HTR2C: variants seen among roughly 807,000 people sequenced by gnomAD.
HTR2C encodes 5-hydroxytryptamine receptor 2C.
In HTR2C, 5 loss-of-function variants were observed where a neutral mutation model predicts 21.0. That is an observed-to-expected ratio of 0.24 (90% CI 0.12 to 0.50). The LOEUF is 0.50. Among genes scored for constraint, HTR2C ranks in the 20% least tolerant of loss-of-function variants. The pLI is 0.98. For missense variants in HTR2C, 271 were observed against 371.2 expected (o/e 0.73, Z 2.22); for synonymous variants, 150 against 145.3 (o/e 1.03, Z -0.23).
intron 2 of HTR2C, among the ~76,000 whole-genome samples, chrX:114,628,222 A>T (rs1023105442): frequency 1.5e-4 from 17 of 109,940 alleles, no homozygotes; most frequent in Non-Finnish European, 2.3e-4. Flanking sequence ...TTTTATCTTG[A>T]TATCTGTATC....
intron 4 of HTR2C, among the ~76,000 whole-genome samples, chrX:114,786,762 A>G (rs185630460): frequency 2.7e-3 from 297 of 111,584 alleles, no homozygotes; most frequent in Middle Eastern, 9.2e-3. Context: ...TCTGAGCCCA[A>G]TTGGCCTGAA....
intron 2 of HTR2C, among the ~76,000 whole-genome samples, chrX:114,631,568 CAG>C (rs782303544): frequency 1.7e-4 from 19 of 111,476 alleles, no homozygotes; most frequent in African/African-American, 5.5e-4. Context: ...GTTAGTAAGA[CAG>C]AGAGATAAGT....
chrX:114,614,540 G>A (rs192999034), intron 2 of HTR2C, among the ~76,000 whole-genome samples: 77 of 110,892 alleles, frequency 6.9e-4, no homozygotes, highest in South Asian at 2.0e-3. Flanking sequence ...GATTACAGGC[G>A]TGAACCACCT....
intron 2 of HTR2C, among the ~76,000 whole-genome samples, chrX:114,717,940 A>T (rs887937687): frequency 9.7e-6 from 1 of 102,975 alleles, no homozygotes; most frequent in Non-Finnish European, 2.0e-5. Context: ...CTGCTCAAAA[A>T]TTTGCCTTTA....
At chrX:114,664,761 G>T (rs1556410675) in intron 2 of HTR2C, among the ~76,000 whole-genome samples, 3 of 111,473 alleles carry the variant, frequency 2.7e-5, no homozygotes, top group African/African-American at 9.8e-5. Context: ...GGGCCAAAGG[G>T]GATTTCTGTC....
chrX:114,815,789 A>G (rs1419697523), intron 4 of HTR2C, among the ~76,000 whole-genome samples: 2 of 34,319 alleles, frequency 5.8e-5, no homozygotes, highest in Non-Finnish European at 1.5e-4. Context: ...TAGAAACTAT[A>G]TGACTTTTAT....
Position 114,906,731 on chromosome X carries a change from G to T in HTR2C, c.693G>T (p.Val231=), listed in dbSNP as rs1556486908. The T allele has an allele frequency of 8.3e-7, 1 of 1,211,181 alleles. No homozygotes were observed. The highest frequency in any genetic ancestry group is 2.2e-5 in the Admixed American group (1 of 45,957). ...TCTTCATACCGCTGACGATTATGGT[G>T]ATTACGTATTGCCTGACCATCTACG... ...VAFFIPLTIM[V]ITYCLTIYVL... is the part of the protein sequence containing the mutation. Residue 231 remains valine, a synonymous_variant, in exon 6 of 6, where the codon GTG becomes GTT. Coordinates refer to ENST00000276198, the MANE Select transcript of HTR2C (RefSeq NM_000868.4).
chrX:114,905,738 T>C (rs1334332026), intron 5 of HTR2C, among the ~76,000 whole-genome samples: 1 of 111,958 alleles, frequency 8.9e-6, no homozygotes, highest in Non-Finnish European at 1.9e-5. Context: ...AGACCTACTG[T>C]GGTTATTTCT....
chrX:114,867,052 A>C (rs2071051353), intron 5 of HTR2C, among the ~76,000 whole-genome samples: 1 of 111,289 alleles, frequency 9.0e-6, no homozygotes, highest in Non-Finnish European at 1.9e-5. Context: ...TGGTAACTCA[A>C]TTTTTAGTTT....
At chrX:114,594,243 A>G (rs911990156) in intron 1 of HTR2C, among the ~76,000 whole-genome samples, 3 of 111,622 alleles carry the variant, frequency 2.7e-5, no homozygotes, top group Non-Finnish European at 5.6e-5. Context: ...AATCTAATAT[A>G]TAAAAAAATG....
chrX:114,744,885 C>T (rs1468244591), intron 4 of HTR2C, among the ~76,000 whole-genome samples: 1 of 112,126 alleles, frequency 8.9e-6, no homozygotes, highest in Non-Finnish European at 1.9e-5. Context: ...AACCTGTAGA[C>T]ATTAAAAAAT....
At chrX:114,739,211 G>A (rs1459042058) in intron 4 of HTR2C, among the ~76,000 whole-genome samples, 1 of 110,793 alleles carries the variant, frequency 9.0e-6, no homozygotes, top group Non-Finnish European at 1.9e-5. Context: ...AACAATAAAA[G>A]CACTTGTCCT....
At chrX:114,707,279 G>A (rs186663610) in intron 2 of HTR2C, among the ~76,000 whole-genome samples, 89 of 110,995 alleles carry the variant, frequency 8.0e-4, no homozygotes, top group African/African-American at 2.9e-3. Flanking sequence ...AATCAGGCTG[G>A]GCATGGTGAC....
At chrX:114,654,545 C>CTT (rs1268386967) in intron 2 of HTR2C, among the ~76,000 whole-genome samples, 1 of 104,367 alleles carries the variant, frequency 9.6e-6, no homozygotes, top group Non-Finnish European at 2.0e-5. Context: ...GGCTGTTTTT[C>CTT]TTTTTTTTTT....
intron 2 of HTR2C, among the ~76,000 whole-genome samples, chrX:114,649,297 A>G (rs782367115): frequency 8.9e-6 from 1 of 112,517 alleles, no homozygotes; most frequent in South Asian, 3.7e-4. Context: ...AGATTTTGTT[A>G]CATTTGCCTC....
intron 1 of HTR2C, among the ~76,000 whole-genome samples, chrX:114,601,028 C>T (rs1928063778): frequency 8.9e-6 from 1 of 112,078 alleles, no homozygotes; most frequent in African/African-American, 3.2e-5. Context: ...AACACATCTA[C>T]CTGCTATCTA....
chrX:114,827,718 C>A (rs1337081386), intron 4 of HTR2C, among the ~76,000 whole-genome samples: 1 of 111,054 alleles, frequency 9.0e-6, no homozygotes, highest in African/African-American at 3.3e-5. Flanking sequence ...ACCTGAGAAT[C>A]TCTTTATTTC....
chrX:114,891,798 T>TATAAGA (rs2071260568), intron 5 of HTR2C, among the ~76,000 whole-genome samples: 1 of 111,397 alleles, frequency 9.0e-6, no homozygotes, highest in Non-Finnish European at 1.9e-5. Context: ...TGTTTTTTTT[T>TATAAGA]ATAAGAATAT....
rs201727603 is a variant in HTR2C at position 114,908,214 on chromosome X, T to C, written c.*799T>C. On this transcript the variant is annotated 3_prime_UTR_variant, in exon 6 of 6. Transcript: ENST00000276198. ...ATTCTGGTCCTTAGTAAATTCCTAA[T>C]TCTATGATTAAACTGGGAAATGAGA... is the stretch of plus-strand genomic sequence containing the variant. 8.5e-4 allele frequency: 96 copies of C among 112,655 alleles called. No homozygotes were observed. The highest frequency in any genetic ancestry group is 2.7e-3 in the African/African-American group (83 of 31,051). The allele number at this position is 112,655 out of a possible 1,213,427, so 9.3% of individuals were successfully genotyped here. A position where few individuals can be genotyped will look rare whatever the true frequency, so the allele number is the denominator to read the frequency against.
Sources: gnomAD v4.1 joint callset for allele counts (sites outside exome capture counted in the v4.1 genomes callset) on GRCh38, gnomAD v4.1.1 for gene constraint, MANE v1.5 for transcripts, NCBI Gene and HGNC (gene_info 2026-07-23, HGNC 2026-07-21) for gene names.